Variants in KCNIP4 observed in about 807,000 individuals in gnomAD.
KCNIP4 encodes Kv channel-interacting protein 4.
In KCNIP4, 12 loss-of-function variants were observed where a neutral mutation model predicts 34.0. The observed-to-expected ratio is 0.35, with a 90% CI of 0.23 to 0.57. The LOEUF is 0.57. KCNIP4 is among the 20% of genes least tolerant of loss of function. The probability of loss-of-function intolerance (pLI) is 0.83; values close to 1 mark genes in which losing one functional copy is unlikely to be tolerated. For missense variants in KCNIP4, 238 were observed against 311.7 expected, an observed-to-expected ratio of 0.76 and a Z score of 1.78; for synonymous variants, 124 against 102.2, an observed-to-expected ratio of 1.21 and a Z score of -1.29.
chr4:21,115,189 A>T (rs2109116062), intron 1 of KCNIP4, among the ~76,000 whole-genome samples: 1 of 152,228 alleles, frequency 6.6e-6, no homozygotes, highest in East Asian at 1.9e-4. Context: ...CCATGTGCAT[A>T]TTAAACTCCC....
intron 1 of KCNIP4, chr4:21,849,317 C>T (rs1482827397): frequency 6.6e-6 from 1 of 152,178 alleles, no homozygotes. Context: ...AAAGAGAGAA[C>T]ATTAAGGTGA....
At chr4:21,879,695 G>A (rs1011515634) in intron 1 of KCNIP4, among the ~76,000 whole-genome samples, 5 of 151,966 alleles carry the variant, frequency 3.3e-5, no homozygotes, top group Admixed American at 6.6e-5. Flanking sequence ...TTCTTGTTTC[G>A]ATAATTCATA....
chr4:21,569,636 G>A (rs1341915553), intron 1 of KCNIP4, among the ~76,000 whole-genome samples: 1 of 152,064 alleles, frequency 6.6e-6, no homozygotes, highest in African/African-American at 2.4e-5. Flanking sequence ...AAACTTGAAG[G>A]ATGTTCTATT....
chr4:21,044,819 A>C (rs991983620), intron 1 of KCNIP4, among the ~76,000 whole-genome samples: 1 of 152,186 alleles, frequency 6.6e-6, no homozygotes, highest in African/African-American at 2.4e-5. Flanking sequence ...GTCCAGGGGA[A>C]TCCTCTTCCA....
intron 1 of KCNIP4, among the ~76,000 whole-genome samples, chr4:21,195,827 C>G (rs947246005): frequency 1.4e-5 from 2 of 145,994 alleles, no homozygotes; most frequent in African/African-American, 4.9e-5. Flanking sequence ...CAAGTAGACT[C>G]TCAATTCTCC....
chr4:20,945,547 A>G (rs1732104201), intron 1 of KCNIP4, among the ~76,000 whole-genome samples: 1 of 152,194 alleles, frequency 6.6e-6, no homozygotes, highest in Non-Finnish European at 1.5e-5. Context: ...CTACTGTTAT[A>G]TCCAACCAAA....
chr4:21,460,723 C>T (rs779394865), intron 1 of KCNIP4, among the ~76,000 whole-genome samples: 1 of 152,070 alleles, frequency 6.6e-6, no homozygotes, highest in Non-Finnish European at 1.5e-5. Context: ...CATTCCATTG[C>T]AAATTAGGGC....
At chr4:21,523,096 G>GT (rs1735679820) in intron 1 of KCNIP4, among the ~76,000 whole-genome samples, 1 of 152,044 alleles carries the variant, frequency 6.6e-6, no homozygotes, top group African/African-American at 2.4e-5. Context: ...CTTCCACCAT[G>GT]TTAGGTTACA....
chr4:21,002,449 C>T (rs901316852), intron 1 of KCNIP4, among the ~76,000 whole-genome samples: 1 of 152,198 alleles, frequency 6.6e-6, no homozygotes, highest in African/African-American at 2.4e-5. Context: ...ACTGGCAGTG[C>T]TGAATCCCAT....
intron 1 of KCNIP4, among the ~76,000 whole-genome samples, chr4:21,821,709 G>A (rs966663117): frequency 3.3e-5 from 5 of 151,982 alleles, no homozygotes; most frequent in African/African-American, 1.2e-4. Flanking sequence ...TTATTACCCG[G>A]TTGTCAATAA....
chr4:20,981,835 A>G (rs1391211070), intron 1 of KCNIP4, among the ~76,000 whole-genome samples: 3 of 152,206 alleles, frequency 2.0e-5, no homozygotes, highest in Non-Finnish European at 4.4e-5. Context: ...ATAAATATTT[A>G]TGTACATCTC....
chr4:20,749,028 C>T (rs568245595), intron 5 of KCNIP4, among the ~76,000 whole-genome samples: 100 of 151,584 alleles, frequency 6.6e-4, no homozygotes, highest in African/African-American at 1.8e-3. Context: ...CGTGGTGGCA[C>T]GGGCCTGTAA....
chr4:20,734,498 T>C (rs1749108987), intron 6 of KCNIP4, 130 bp downstream of exon 6: 1 of 496,392 alleles, frequency 2.0e-6, no homozygotes, highest in Non-Finnish European at 3.5e-6. Context: ...TGTACATCTT[T>C]CTTCCACTAC....
intron 1 of KCNIP4, among the ~76,000 whole-genome samples, chr4:21,413,658 T>C (rs145516264): frequency 2.1e-3 from 317 of 152,276 alleles, no homozygotes; most frequent in African/African-American, 7.2e-3. Flanking sequence ...TAGATCCCAT[T>C]CAGCGTCACA....
intron 3 of KCNIP4, among the ~76,000 whole-genome samples, chr4:20,793,886 C>G (rs185929601): frequency 3.9e-5 from 6 of 152,132 alleles, no homozygotes; most frequent in Admixed American, 2.6e-4. Context: ...CCACCCAAAT[C>G]TCATCTTGAA....
chr4:20,857,725 T>C (rs1043258846), intron 2 of KCNIP4, among the ~76,000 whole-genome samples: 2 of 152,108 alleles, frequency 1.3e-5, no homozygotes, highest in African/African-American at 2.4e-5. Flanking sequence ...CAAATAATGA[T>C]AACCTCTCCT....
At chr4:21,666,786 C>A (rs937330994) in intron 1 of KCNIP4, among the ~76,000 whole-genome samples, 1 of 152,120 alleles carries the variant, frequency 6.6e-6, no homozygotes, top group African/African-American at 2.4e-5. Flanking sequence ...CATGTCCCTT[C>A]AAGTCTTTTT....
At chr4:21,422,400 C>A (rs1577336340) in intron 1 of KCNIP4, among the ~76,000 whole-genome samples, 1 of 152,014 alleles carries the variant, frequency 6.6e-6, no homozygotes, top group Admixed American at 6.6e-5. Flanking sequence ...GGGGTTTCAC[C>A]ATGTTGGCCA....
chr4:20,963,614 G>T (rs1430404101), intron 1 of KCNIP4, among the ~76,000 whole-genome samples: 1 of 152,082 alleles, frequency 6.6e-6, no homozygotes, highest in African/African-American at 2.4e-5. Context: ...TTTAAGAGAA[G>T]AAATGCAATA....
Sources: allele counts gnomAD v4.1 joint callset (sites outside exome capture counted in the v4.1 genomes callset), GRCh38; gene constraint gnomAD v4.1.1; transcripts MANE v1.5; gene names NCBI Gene and HGNC (gene_info 2026-07-23, HGNC 2026-07-21).